OR1J2: variants seen among roughly 807,000 people sequenced by gnomAD.
OR1J2 encodes olfactory receptor 1J2.
For missense variants in OR1J2, 304 were observed against 246.1 expected, an observed-to-expected ratio of 1.24 and a Z score of -1.57; for synonymous variants, 142 against 99.7, an observed-to-expected ratio of 1.42 and a Z score of -2.52.
the OR1J2 span, among the ~76,000 whole-genome samples, chr9:122,528,689 T>TA: frequency 6.6e-6 from 1 of 152,212 alleles, no homozygotes; most frequent in Non-Finnish European, 1.5e-5. Flanking sequence ...TACCTGTATT[T>TA]AAAAACTAAA....
At chr9:122,559,928 G>T in the OR1J2 span, among the ~76,000 whole-genome samples, 1 of 152,266 alleles carries the variant, frequency 6.6e-6, no homozygotes, top group East Asian at 1.9e-4. Context: ...TGACAGTGGG[G>T]TGTTAAAGTC....
the OR1J2 span, among the ~76,000 whole-genome samples, chr9:122,535,318 C>A: frequency 0.76 from 115,444 of 151,954 alleles, 44,443 homozygotes; most frequent in East Asian, 1. Flanking sequence ...GGACCAAGGC[C>A]GGCGTCCCTG....
chr9:122,561,529 A>T, the OR1J2 span, among the ~76,000 whole-genome samples: 1 of 151,514 alleles, frequency 6.6e-6, no homozygotes, highest in Non-Finnish European at 1.5e-5. Flanking sequence ...TTTTGTGGGG[A>T]CGTTTTTTGT....
At chr9:122,541,819 C>T in the OR1J2 span, among the ~76,000 whole-genome samples, 1 of 152,224 alleles carries the variant, frequency 6.6e-6, no homozygotes, top group Non-Finnish European at 1.5e-5. Flanking sequence ...CACAGAGCTT[C>T]CCATCAGTTT....
the OR1J2 span, among the ~76,000 whole-genome samples, chr9:122,531,915 C>A: frequency 2.6e-5 from 4 of 152,118 alleles, no homozygotes; most frequent in Non-Finnish European, 5.9e-5. Context: ...TCTACCTAGA[C>A]CAAGAGGTAT....
chr9:122,575,272 C>A, the OR1J2 span, among the ~76,000 whole-genome samples: 2 of 152,036 alleles, frequency 1.3e-5, no homozygotes, highest in Non-Finnish European at 1.5e-5. Context: ...AATATAAATT[C>A]TTCTTTAAAT....
chr9:122,538,051 A>G, the OR1J2 span, among the ~76,000 whole-genome samples: 1 of 151,906 alleles, frequency 6.6e-6, no homozygotes, highest in Non-Finnish European at 1.5e-5. Flanking sequence ...CGGGGGATGG[A>G]ATTTTCCATT....
chr9:122,487,521 T>C, the OR1J2 span, among the ~76,000 whole-genome samples: 1 of 151,868 alleles, frequency 6.6e-6, no homozygotes, highest in Non-Finnish European at 1.5e-5. Context: ...TAAGCATTGG[T>C]CTTACCTAGT....
the OR1J2 span, among the ~76,000 whole-genome samples, chr9:122,484,438 G>A: frequency 1.3e-5 from 2 of 152,150 alleles, no homozygotes; most frequent in African/African-American, 4.8e-5. Flanking sequence ...GGGATTGCAG[G>A]TGTGAGCCAC....
the OR1J2 span, among the ~76,000 whole-genome samples, chr9:122,472,955 T>G: frequency 6.6e-6 from 1 of 152,240 alleles, no homozygotes; most frequent in Non-Finnish European, 1.5e-5. Flanking sequence ...TGAACTTAGT[T>G]TATAAAACTA....
chr9:122,488,876 C>T, the OR1J2 span, among the ~76,000 whole-genome samples: 3 of 144,082 alleles, frequency 2.1e-5, no homozygotes, highest in South Asian at 4.5e-4. Context: ...TTATTATACT[C>T]TAAGTTCTGG....
chr9:122,511,591 G>A lies in OR1J2; in HGVS notation c.790G>A (p.Val264Ile), dbSNP rs777596784. ...ATTTGGCCAGTACCTTTTCCCGACT[G>A]TAAGCAGTTCTATTGACAAGGATGT... is the stretch of plus-strand genomic sequence containing the variant. ...SIFGQYLFPT[V>I]SSSIDKDVIV... Residue 264 changes from valine to isoleucine, a missense_variant, in exon 1 of 1, where the codon GTA (valine) becomes ATA (isoleucine). Val to Ile is a conservative substitution (Grantham distance 29). Transcript: ENST00000335302. 4 of 780,916 alleles carry A rather than the reference G, an allele frequency of 5.1e-6. No individual in the cohort carries two copies. Among genetic ancestry groups the A allele is most frequent in the African/African-American group, 5.1e-5 (3 of 59,104 alleles). 48.4% of individuals were successfully genotyped at this position (780,916 alleles called of 1,614,324 possible). A position where few individuals can be genotyped will look rare whatever the true frequency, so the allele number is the denominator to read the frequency against.
chr9:122,525,857 C>T, the OR1J2 span, among the ~76,000 whole-genome samples: 2 of 152,060 alleles, frequency 1.3e-5, no homozygotes, highest in African/African-American at 2.4e-5. Flanking sequence ...TGTCTTACTC[C>T]CCACTTAATG....
chr9:122,509,877 C>T (rs544952899), upstream of OR1J2, among the ~76,000 whole-genome samples: 164 of 152,192 alleles, frequency 1.1e-3, no homozygotes, highest in African/African-American at 3.8e-3. Flanking sequence ...GATACAATCC[C>T]TAATTTCTTA....
At chr9:122,472,814 T>TAACC in the OR1J2 span, among the ~76,000 whole-genome samples, 50 of 152,318 alleles carry the variant, frequency 3.3e-4, no homozygotes, top group African/African-American at 1.2e-3. Context: ...CCAGTCCTGT[T>TAACC]AACCAACCTT....
At chr9:122,454,105 C>T in the OR1J2 span, among the ~76,000 whole-genome samples, 49 of 152,202 alleles carry the variant, frequency 3.2e-4, 1 homozygote, top group Admixed American at 2.2e-3. Context: ...GGCTTCGGTC[C>T]AATCCTCCTT....
chr9:122,448,636 G>A, the OR1J2 span, among the ~76,000 whole-genome samples: 1 of 152,148 alleles, frequency 6.6e-6, no homozygotes, highest in African/African-American at 2.4e-5. Context: ...GCTTTCTGCA[G>A]TGCATTGTGC....
the OR1J2 span, among the ~76,000 whole-genome samples, chr9:122,561,689 C>A: frequency 6.6e-6 from 1 of 152,124 alleles, no homozygotes; most frequent in Non-Finnish European, 1.5e-5. Context: ...AGCTGGAGAA[C>A]AGTAAAGATG....
downstream of OR1J2, among the ~76,000 whole-genome samples, chr9:122,515,176 G>C (rs1448272382): frequency 1.3e-5 from 2 of 152,134 alleles, no homozygotes; most frequent in Non-Finnish European, 2.9e-5. Context: ...AGAAGAGTAA[G>C]CTCCAGGTTC....
Sources: gnomAD v4.1 joint callset for allele counts (sites outside exome capture counted in the v4.1 genomes callset) on GRCh38, gnomAD v4.1.1 for gene constraint, MANE v1.5 for transcripts, NCBI Gene and HGNC (gene_info 2026-07-23, HGNC 2026-07-21) for gene names.